SLC6A3: variants seen among roughly 807,000 people sequenced by gnomAD.
The protein encoded by SLC6A3 is sodium-dependent dopamine transporter.
In SLC6A3, 19 loss-of-function variants were observed where a neutral mutation model predicts 70.4. The observed-to-expected ratio is 0.27, with a 90% CI of 0.19 to 0.40. The LOEUF (loss-of-function observed/expected upper bound fraction) is 0.40. SLC6A3 is among the 10% of genes least tolerant of loss of function. SLC6A3 has a pLI of 1.00. For missense variants in SLC6A3, 613 were observed against 838.5 expected (o/e 0.73, Z 3.32); for synonymous variants, 368 against 356.6 (o/e 1.03, Z -0.36).
At chr5:1,441,561 G>T in intron 2 of SLC6A3, 71 bp from the exon 3 acceptor site, 10 of 1,555,084 alleles carry the variant, frequency 6.4e-6, no homozygotes, top group Non-Finnish European at 8.7e-6. Context: ...GAGCTTGGGC[G>T]GCTACCCCAG....
At chr5:1,415,999 G>T in intron 7 of SLC6A3, 99 bp downstream of exon 7, 1 of 922,484 alleles carries the variant, frequency 1.1e-6, no homozygotes, top group East Asian at 2.5e-5. Context: ...GGGTTCAGTG[G>T]ATCCGCCCTG....
chr5:1,431,087 T>C (rs1023611372), intron 4 of SLC6A3, among the ~76,000 whole-genome samples: 3 of 152,180 alleles, frequency 2.0e-5, no homozygotes, highest in African/African-American at 7.2e-5. Flanking sequence ...CTCTCCAAAA[T>C]GACGGCTGAG....
Position 1,421,929 on chromosome 5 carries a change from C to G in SLC6A3, c.739G>C (p.Val247Leu). 1 of 1,613,288 alleles carries G rather than the reference C, an allele frequency of 6.2e-7. No individual in the cohort carries two copies. Among genetic ancestry groups the G allele is most frequent in the Non-Finnish European group, 8.5e-7 (1 of 1,180,034 alleles). The part of the protein sequence containing the change: ...RWQLTACLVL[V>L]IVLLYFSLWK... ...AGGCTGAAGTAGAGCAGCACGATGA[C>G]CAGCACCAGGCAGGCTGTGAGCTGC... The change falls in exon 5 of 15, where the codon GTC (valine) becomes CTC (leucine). Residue 247 changes from valine to leucine, a missense_variant. By Grantham distance (32) the Val-to-Leu change is conservative (BLOSUM62 1). Transcript: ENST00000270349. This position sits in a 1 kb window ranked among gnomAD's most constrained non-coding sequence, Gnocchi z 7.2.
At position 1,394,688 on chromosome 5, in the gene SLC6A3, C is replaced by G. The variant is rs534295997; in HGVS notation, c.*47G>C. ...TTAGATTTCCTTGGTTTGTTCGTGTCTCTCCCATTGCAGGATGACTTCCTG... is the reference window on the plus strand; with the variant it reads ...TTAGATTTCCTTGGTTTGTTCGTGTGTCTCCCATTGCAGGATGACTTCCTG... On this transcript the variant is annotated 3_prime_UTR_variant, in exon 15 of 15. Coordinates refer to ENST00000270349, the MANE Select transcript of SLC6A3 (RefSeq NM_001044.5). This position sits in a 1 kb window ranked among gnomAD's most constrained non-coding sequence, Gnocchi z 4.7. 1 of 1,589,156 alleles carries G rather than the reference C, an allele frequency of 6.3e-7. No individual in the cohort carries two copies. The highest frequency in any genetic ancestry group is 2.2e-5 in the East Asian group (1 of 44,780).
Position 1,394,551 on chromosome 5 carries a change from C to A in SLC6A3, c.*184G>T. ...CAGCAACACAAGACACGGCGAGGTG[C>A]GCTCCCGGCACGGAAAGGTGTAAAC... On this transcript the variant is annotated 3_prime_UTR_variant, in exon 15 of 15. Transcript: ENST00000270349. This position sits in a 1 kb window ranked among gnomAD's most constrained non-coding sequence, Gnocchi z 4.7. 2.8e-6 allele frequency: 2 copies of A among 711,718 alleles called. No individual in the cohort carries two copies. Among genetic ancestry groups the A allele is most frequent in the Non-Finnish European group, 5.1e-6 (2 of 390,362 alleles). The allele number at this position is 711,718 out of a possible 1,614,324, so 44.1% of individuals were successfully genotyped here. A position where few individuals can be genotyped will look rare whatever the true frequency, so the allele number is the denominator to read the frequency against.
At position 1,393,914 on chromosome 5, in the gene SLC6A3, C is replaced by T. The variant is rs188668123; in HGVS notation, c.*821G>A. On this transcript the variant is annotated 3_prime_UTR_variant, in exon 15 of 15. Transcript: ENST00000270349. Reference sequence around the variant, plus strand: ...GGATAGGACATGCTCCTGTGGGGGCCCTGCATGCGTCCGGGGATAGGACAC... The same window carrying T: ...GGATAGGACATGCTCCTGTGGGGGCTCTGCATGCGTCCGGGGATAGGACAC... 466 of 151,626 alleles carry T rather than the reference C, an allele frequency of 3.1e-3. 6 individuals are homozygous for T. Among genetic ancestry groups the T allele is most frequent in the African/African-American group, 0.011 (421 of 39,956 alleles). The allele number at this position is 151,626 out of a possible 1,614,324, so 9.4% of individuals were successfully genotyped here. A position where few individuals can be genotyped will look rare whatever the true frequency, so the allele number is the denominator to read the frequency against.
At chr5:1,439,507 C>T (rs2963240) in intron 3 of SLC6A3, among the ~76,000 whole-genome samples, 4,240 of 152,330 alleles carry the variant, frequency 0.028, 205 homozygotes, top group African/African-American at 0.096. Flanking sequence ...AGCATTTCCA[C>T]GGCTGCGAGA....
chr5:1,432,650 T>C lies in SLC6A3; in HGVS notation c.467A>G (p.Tyr156Cys), dbSNP rs1489340727. The change falls in exon 4 of 15, where the codon TAC becomes TGC. Residue 156 changes from tyrosine to cysteine, a missense_variant. Tyr to Cys is a radical substitution (Grantham distance 194, BLOSUM62 -2). Around this residue, in one of 4 missense-constraint regions of SLC6A3, gnomAD observed 153 missense variants for 249.4 expected, o/e 0.61. Coordinates refer to ENST00000270349, the MANE Select transcript of SLC6A3 (RefSeq NM_001044.5). ...CAGCGCCCAGGCGATGATGACGTTG[T>C]AGAAGAAGCCGACATACAGTGAGAT... is the stretch of plus-strand genomic sequence containing the variant. ...ILISLYVGFF[Y>C]NVIIAWALHY... is the part of the protein sequence containing the mutation. The C allele has an allele frequency of 6.2e-7, 1 of 1,614,140 alleles. No individual in the cohort carries two copies. The highest frequency in any genetic ancestry group is 8.5e-7 in the Non-Finnish European group (1 of 1,180,012).
chr5:1,416,566 CACG>C, intron 6 of SLC6A3: 2 of 327,954 alleles, frequency 6.1e-6, no homozygotes, highest in Non-Finnish European at 1.2e-5. Flanking sequence ...CTCGGAACAG[CACG>C]GCCTCATCTA....
intron 4 of SLC6A3, among the ~76,000 whole-genome samples, chr5:1,428,460 C>T (rs1756621094): frequency 6.6e-6 from 1 of 152,210 alleles, no homozygotes; most frequent in East Asian, 1.9e-4. Context: ...TTATGTGGTC[C>T]TGTGTTGGGG....
intron 4 of SLC6A3, among the ~76,000 whole-genome samples, chr5:1,422,756 AAGGTG>A (rs1756477802): frequency 1.4e-5 from 1 of 70,508 alleles, no homozygotes; most frequent in Non-Finnish European, 2.5e-5. Flanking sequence ...AGTGCTGCCC[AAGGTG>A]CTGGGTGCCC....
chr5:1,423,318 G>A (rs74358559), intron 4 of SLC6A3, among the ~76,000 whole-genome samples: 3 of 84,278 alleles, frequency 3.6e-5, no homozygotes, highest in Non-Finnish European at 5.4e-5. Flanking sequence ...TGCTGCCCAT[G>A]GTGCTGGGTA....
rs1755749029 is a variant in SLC6A3 at position 1,397,497 on chromosome 5, C to T, written c.1840-2739G>A. On this transcript the variant is annotated intron_variant, in intron 14 of 14. Transcript: ENST00000270349. The surrounding 1 kb of genome is among the most constrained non-coding windows in gnomAD (Gnocchi z 4.7). Reference sequence around the variant, plus strand: ...CAGGTCCCGACACTCCGCAGTGAACCCGAGACACCGAAAGCAGAAGAAACT... The same window carrying T: ...CAGGTCCCGACACTCCGCAGTGAACTCGAGACACCGAAAGCAGAAGAAACT... 6.6e-6 allele frequency among the ~76,000 whole-genome samples: 1 copy of T among 152,140 alleles called. No homozygotes were observed. The highest frequency in any genetic ancestry group is 6.5e-5 in the Admixed American group (1 of 15,276).
At chr5:1,435,721 G>C (rs1756814060) in intron 3 of SLC6A3, among the ~76,000 whole-genome samples, 1 of 142,652 alleles carries the variant, frequency 7.0e-6, no homozygotes, top group African/African-American at 2.5e-5. Flanking sequence ...TGGCTCCCTT[G>C]AACAGTGGTG....
intron 6 of SLC6A3, among the ~76,000 whole-genome samples, chr5:1,419,614 G>A (rs1756388244): frequency 6.6e-6 from 1 of 152,186 alleles, no homozygotes; most frequent in Admixed American, 6.5e-5. Context: ...ACGCCCTGCT[G>A]ACTTCATGGT....
At position 1,405,605 on chromosome 5, in the gene SLC6A3, C is replaced by A. The variant is rs1320231195; in HGVS notation, c.1599+583G>T. On this transcript the variant is annotated intron_variant, in intron 12 of 14. Coordinates refer to ENST00000270349, the MANE Select transcript of SLC6A3 (RefSeq NM_001044.5). The surrounding 1 kb of genome is among the most constrained non-coding windows in gnomAD (Gnocchi z 5.3). ...CAGTGGGGGAAGCACTGCAGGCAATCCCTAATGAAAGTGTGCGGCCACCTT... is the reference window on the plus strand; with the variant it reads ...CAGTGGGGGAAGCACTGCAGGCAATACCTAATGAAAGTGTGCGGCCACCTT... 1.3e-5 allele frequency among the ~76,000 whole-genome samples: 2 copies of A among 152,220 alleles called. No homozygotes were observed.
chr5:1,437,076 C>T lies in SLC6A3; in HGVS notation c.418+4283G>A, dbSNP rs1409843738. Among the ~76,000 whole-genome samples, 1 of 152,024 alleles carries T rather than the reference C, an allele frequency of 6.6e-6. No homozygotes were observed. Among genetic ancestry groups the T allele is most frequent in the African/African-American group, 2.4e-5 (1 of 41,396 alleles). On this transcript the variant is annotated intron_variant, in intron 3 of 14. Transcript: ENST00000270349. This position sits in a 1 kb window ranked among gnomAD's most constrained non-coding sequence, Gnocchi z 4.8. The stretch of plus-strand genomic sequence containing the variant: ...ACCATCCTGGCTAACACGATGAAAC[C>T]CCGTCTCTACTAAAAATACAAAAAA...
At chr5:1,415,703 G>A (rs1756273538) in intron 7 of SLC6A3, among the ~76,000 whole-genome samples, 1 of 152,124 alleles carries the variant, frequency 6.6e-6, no homozygotes, top group Non-Finnish European at 1.5e-5. Flanking sequence ...TGGGATGGGG[G>A]GACACACTCA....
chr5:1,443,674 CT>C (rs113657129), intron 1 of SLC6A3, among the ~76,000 whole-genome samples: 7 of 150,032 alleles, frequency 4.7e-5, no homozygotes, highest in Admixed American at 2.0e-4. Flanking sequence ...ATTCTTTTTT[CT>C]TTTTTTTTTC....
Sources: allele counts gnomAD v4.1 joint callset (sites outside exome capture counted in the v4.1 genomes callset), GRCh38; gene constraint gnomAD v4.1.1; regional missense constraint gnomAD v4.1.1; non-coding constraint Gnocchi (gnomAD v3.1); transcripts MANE v1.5; gene names NCBI Gene and HGNC (gene_info 2026-07-23, HGNC 2026-07-21).